The following RBFOX1 variants were observed in gnomAD, a reference collection of about 807,000 sequenced individuals.
RBFOX1 encodes the protein RNA binding fox-1 homolog 1.
A neutral mutation model predicts 57.7 loss-of-function variants in RBFOX1; 8 were observed. The ratio of observed to expected loss-of-function variants is 0.14; its 90% CI spans 0.08 to 0.25. The LOEUF is 0.25. Among genes scored for constraint, RBFOX1 ranks in the 10% least tolerant of loss-of-function variants. The pLI, the probability that RBFOX1 is intolerant of heterozygous loss-of-function variation, is 1.00. For synonymous variants in RBFOX1, 326 were observed against 222.4 expected (o/e 1.47, Z -4.15); for missense variants, 611 against 548.5 (o/e 1.11, Z -1.14).
chr16:5,382,213 A>G (rs2066148108), intron 1 of RBFOX1, among the ~76,000 whole-genome samples: 1 of 152,224 alleles, frequency 6.6e-6, no homozygotes, highest in South Asian at 2.1e-4. Context: ...AGTAATTGAC[A>G]ACATTGTCTC....
chr16:6,325,821 T>G (rs922045732), intron 2 of RBFOX1, among the ~76,000 whole-genome samples: 5 of 152,216 alleles, frequency 3.3e-5, no homozygotes, highest in Non-Finnish European at 2.9e-5. Context: ...ATGGTTTTAT[T>G]TTCCTAAAAT....
rs187383146 is a variant in RBFOX1, at chr16:5,652,809, G to T, written c.318+53848G>T. Among the ~76,000 whole-genome samples, 12 of 152,344 alleles carry T rather than the reference G, an allele frequency of 7.9e-5. No individual in the cohort carries two copies. In the East Asian group the frequency reaches 2.3e-3, roughly 29 times the overall value. The stretch of plus-strand genomic sequence containing the variant: ...GTGGATTACAGATCTCCTTTTCCCA[G>T]CTCAGCCACCTTATCTTTGTAAGCT... On this transcript the variant is annotated intron_variant, in intron 3 of 19. Coordinates refer to the RBFOX1 transcript ENST00000641259.
chr16:5,333,999 C>G (rs905340039), intron 1 of RBFOX1, among the ~76,000 whole-genome samples: 21 of 152,158 alleles, frequency 1.4e-4, no homozygotes, highest in African/African-American at 5.1e-4. Flanking sequence ...AGTGGCTCAA[C>G]AAGTCAAAGA....
At chr16:5,834,718 C>CATAG (rs1363137798) in intron 3 of RBFOX1, among the ~76,000 whole-genome samples, 1 of 121,622 alleles carries the variant, frequency 8.2e-6, no homozygotes, top group Non-Finnish European at 1.9e-5. Context: ...TAGATAGATA[C>CATAG]ATAGATACAT....
chr16:7,234,843 G>GT lies in RBFOX1; in HGVS notation c.27+182751dup, dbSNP rs201489151. On this transcript the variant is annotated intron_variant, in intron 4 of 15. Transcript: ENST00000550418. ...GGCACCCCATTTTTGGTACGTGGAT[G>GT]TTTTTTAGCATTTAATGGATAACAA... 5.9e-5 allele frequency among the ~76,000 whole-genome samples: 9 copies of GT among 152,110 alleles called. No individual in the cohort carries two copies. In the East Asian group the frequency reaches 1.5e-3, roughly 26 times the overall value.
intron 1 of RBFOX1, among the ~76,000 whole-genome samples, chr16:5,318,700 C>A (rs1243222486): frequency 6.6e-6 from 1 of 152,176 alleles, no homozygotes; most frequent in Non-Finnish European, 1.5e-5. Context: ...CTGATGTGTA[C>A]ACTTTGTCCC....
At chr16:6,760,954 G>C (rs2076517927) in intron 3 of RBFOX1, among the ~76,000 whole-genome samples, 1 of 152,152 alleles carries the variant, frequency 6.6e-6, no homozygotes, top group Non-Finnish European at 1.5e-5. Flanking sequence ...GACTGTAATG[G>C]AGAGATCTTC....
chr16:7,019,972 G>GCT (rs941302525), intron 3 of RBFOX1, among the ~76,000 whole-genome samples: 1 of 149,712 alleles, frequency 6.7e-6, no homozygotes, highest in East Asian at 2.0e-4. Flanking sequence ...CTTTCTTCTG[G>GCT]CTCTCTCTTT....
intron 4 of RBFOX1, among the ~76,000 whole-genome samples, chr16:7,222,077 G>C (rs969699653): frequency 1.3e-5 from 2 of 152,198 alleles, no homozygotes; most frequent in Non-Finnish European, 2.9e-5. Context: ...TGAATACTCT[G>C]TGTCACTGCT....
intron 14 of RBFOX1, among the ~76,000 whole-genome samples, chr16:7,700,193 G>T (rs536483250): frequency 6.6e-6 from 1 of 152,058 alleles, no homozygotes; most frequent in Non-Finnish European, 1.5e-5. Context: ...GGGCTTTACC[G>T]GGAAGCTCAC....
chr16:7,118,444 G>C (rs993894751), intron 4 of RBFOX1, among the ~76,000 whole-genome samples: 5 of 152,096 alleles, frequency 3.3e-5, no homozygotes, highest in Non-Finnish European at 5.9e-5. Context: ...GCAAGGAGGA[G>C]GGTAAAGGAT....
At position 7,519,826 on chromosome 16, in the gene RBFOX1, C is replaced by A. The variant is rs563800408; in HGVS notation, c.270+1437C>A. On this transcript the variant is annotated intron_variant, in intron 5 of 15. Transcript: ENST00000550418. Reference sequence around the variant, plus strand: ...TTCCTGTGATAAAAGAAAACACTGACTAACTTTGCTACTTGCCACCTCATT... The same window carrying A: ...TTCCTGTGATAAAAGAAAACACTGAATAACTTTGCTACTTGCCACCTCATT... 9.1e-6 allele frequency: 6 copies of A among 657,814 alleles called. No individual in the cohort carries two copies. The East Asian group carries it at 6.9e-4, about 75-fold the overall frequency. 40.7% of individuals were successfully genotyped at this position (657,814 alleles called of 1,614,324 possible).
At chr16:6,603,009 GT>G (rs1393712908) in intron 2 of RBFOX1, among the ~76,000 whole-genome samples, 1 of 152,160 alleles carries the variant, frequency 6.6e-6, no homozygotes, top group East Asian at 1.9e-4. Flanking sequence ...GGAAAAAGAA[GT>G]TTCCCAATTT....
At chr16:6,205,964 C>T (rs1010590911) in intron 1 of RBFOX1, among the ~76,000 whole-genome samples, 14 of 142,928 alleles carry the variant, frequency 9.8e-5, no homozygotes, top group Non-Finnish European at 9.0e-5. Flanking sequence ...AGGCTTCTTT[C>T]ACTTAGATCT....
intron 3 of RBFOX1, among the ~76,000 whole-genome samples, chr16:5,852,661 G>A (rs1250267691): frequency 6.6e-6 from 1 of 152,088 alleles, no homozygotes; most frequent in East Asian, 1.9e-4. Flanking sequence ...TTAATATACT[G>A]GATTTGTAAA....
chr16:6,764,734 C>G (rs576248395), intron 3 of RBFOX1, among the ~76,000 whole-genome samples: 9 of 152,096 alleles, frequency 5.9e-5, no homozygotes, highest in African/African-American at 2.2e-4. Flanking sequence ...GTCAGGTGTA[C>G]GAGACCAACC....
chr16:5,910,962 G>A (rs923709667), intron 4 of RBFOX1, among the ~76,000 whole-genome samples: 5 of 152,138 alleles, frequency 3.3e-5, no homozygotes, highest in African/African-American at 9.7e-5. Flanking sequence ...ATCAAGCTTC[G>A]TTTACCCAGA....
At chr16:5,972,782 T>C (rs1354469339) in intron 4 of RBFOX1, among the ~76,000 whole-genome samples, 1 of 152,172 alleles carries the variant, frequency 6.6e-6, no homozygotes, top group East Asian at 1.9e-4. Context: ...GAATCTCCTA[T>C]CTGTTTGCCA....
chr16:6,577,914 C>G, intron 2 of RBFOX1, among the ~76,000 whole-genome samples: 1 of 152,162 alleles, frequency 6.6e-6, no homozygotes, highest in Middle Eastern at 3.2e-3. Context: ...ACTGCAATGT[C>G]ATACAAATGA....
Sources: allele counts gnomAD v4.1 joint callset (sites outside exome capture counted in the v4.1 genomes callset), GRCh38; gene constraint gnomAD v4.1.1; transcripts MANE v1.5; gene names NCBI Gene and HGNC (gene_info 2026-07-23, HGNC 2026-07-21).